Variants in RAPGEF4 observed in about 807,000 individuals in gnomAD.
RAPGEF4 encodes the protein Rap guanine nucleotide exchange factor 4.
RAPGEF4 carries 66 observed loss-of-function variants against 147.9 expected under a neutral mutation model. The ratio of observed to expected loss-of-function variants is 0.45; its 90% CI spans 0.37 to 0.55. The LOEUF is 0.55. RAPGEF4 is among the 20% of genes least tolerant of loss of function. The pLI is 0.00. For synonymous variants in RAPGEF4, 419 were observed against 442.7 expected (o/e 0.95, Z 0.67); for missense variants, 1,071 against 1,257.3 (o/e 0.85, Z 2.24).
rs115746792 is a variant in RAPGEF4 at position 173,038,259 on chromosome 2, T to C, written c.2853+1567T>C. Among the ~76,000 whole-genome samples the C allele has an allele frequency of 8.0e-3, 1,224 of 152,324 alleles. 13 individuals are homozygous for C. The highest frequency in any genetic ancestry group is 0.028 in the African/African-American group (1,145 of 41,568). ...CTTATTAGTATGGATAATTAAACAA[T>C]TCCTCTGACTTCCCAGAAAGAAAAC... On this transcript the variant is annotated intron_variant, in intron 29 of 30. Coordinates refer to ENST00000397081, the MANE Select transcript of RAPGEF4 (RefSeq NM_007023.4).
chr2:172,910,246 C>T (rs182940590), intron 4 of RAPGEF4, among the ~76,000 whole-genome samples: 215 of 152,338 alleles, frequency 1.4e-3, no homozygotes, highest in African/African-American at 4.8e-3. Flanking sequence ...AATCCTTATG[C>T]CCCAATCCTC....
At chr2:172,794,359 A>G (rs908798942) in intron 1 of RAPGEF4, among the ~76,000 whole-genome samples, 2 of 151,074 alleles carry the variant, frequency 1.3e-5, no homozygotes, top group African/African-American at 4.9e-5. Flanking sequence ...AAAAAAAAAA[A>G]AAAAAAGAAA....
intron 30 of RAPGEF4, among the ~76,000 whole-genome samples, chr2:173,050,587 G>A (rs967065645): frequency 3.9e-5 from 6 of 152,122 alleles, no homozygotes; most frequent in African/African-American, 7.2e-5. Context: ...CTGCCACTCC[G>A]GGTGTCCCCT....
intron 25 of RAPGEF4, among the ~76,000 whole-genome samples, chr2:173,028,690 C>G (rs1575559209): frequency 6.6e-6 from 1 of 152,116 alleles, no homozygotes; most frequent in South Asian, 2.1e-4. Flanking sequence ...ATTTGCCGTC[C>G]TGTAGAGAAG....
intron 6 of RAPGEF4, among the ~76,000 whole-genome samples, chr2:172,940,010 A>G (rs1686990864): frequency 6.6e-6 from 1 of 151,918 alleles, no homozygotes; most frequent in Admixed American, 6.6e-5. Context: ...CCAATATTTC[A>G]CTGTCTTAAT....
At chr2:172,874,002 C>T (rs192901808) in intron 4 of RAPGEF4, among the ~76,000 whole-genome samples, 11 of 152,146 alleles carry the variant, frequency 7.2e-5, no homozygotes, top group Non-Finnish European at 1.2e-4. Flanking sequence ...AATGAGATAC[C>T]GTCTCACACC....
intron 10 of RAPGEF4, among the ~76,000 whole-genome samples, chr2:172,974,579 A>G (rs1448773065): frequency 2.0e-5 from 3 of 152,154 alleles, no homozygotes; most frequent in African/African-American, 7.2e-5. Context: ...AGCTATCAGG[A>G]GGCTGAGGTG....
chr2:172,867,845 A>G (rs930124783), intron 4 of RAPGEF4, among the ~76,000 whole-genome samples: 4 of 152,224 alleles, frequency 2.6e-5, no homozygotes, highest in African/African-American at 4.8e-5. Context: ...CCCTAATTAC[A>G]TTTTGGAAAA....
At chr2:172,868,174 A>G (rs951673729) in intron 4 of RAPGEF4, among the ~76,000 whole-genome samples, 5 of 152,216 alleles carry the variant, frequency 3.3e-5, no homozygotes, top group African/African-American at 4.8e-5. Flanking sequence ...ACCACCTAAC[A>G]AAACGAGCAT....
intron 26 of RAPGEF4, among the ~76,000 whole-genome samples, chr2:173,032,916 A>G (rs1697329492): frequency 6.6e-6 from 1 of 152,228 alleles, no homozygotes; most frequent in East Asian, 1.9e-4. Flanking sequence ...TCTGAGACCC[A>G]GGGGTTGGTT....
rs1392564162 is a variant in RAPGEF4, at chr2:172,997,928, G to GT, written c.1579+1380dup. On this transcript the variant is annotated intron_variant, in intron 16 of 30. Transcript: ENST00000397081. ...TCATTTTATACATAGATTACCTGAGGTTTTTTATGTAGCAAATTAATTAGG... is the reference window on the plus strand; with the variant it reads ...TCATTTTATACATAGATTACCTGAGGTTTTTTTATGTAGCAAATTAATTAGG... Among the ~76,000 whole-genome samples, 16 of 152,198 alleles carry GT rather than the reference G, an allele frequency of 1.1e-4. No homozygotes were observed. The East Asian group carries it at 2.9e-3, about 28-fold the overall frequency.
At chr2:172,782,071 C>T (rs1226759135) in intron 1 of RAPGEF4, among the ~76,000 whole-genome samples, 1 of 152,138 alleles carries the variant, frequency 6.6e-6, no homozygotes, top group East Asian at 1.9e-4. Context: ...TACTGGTGAA[C>T]ACCTGGGGAG....
chr2:172,979,212 A>T (rs1032759203), intron 10 of RAPGEF4, among the ~76,000 whole-genome samples: 3 of 152,194 alleles, frequency 2.0e-5, no homozygotes, highest in Non-Finnish European at 4.4e-5. Context: ...TGTGCCGTGG[A>T]TGCCTTGCCT....
chr2:172,885,622 G>T (rs1460438719), intron 4 of RAPGEF4, among the ~76,000 whole-genome samples: 1 of 152,102 alleles, frequency 6.6e-6, no homozygotes, highest in Non-Finnish European at 1.5e-5. Context: ...AAATGAAAGG[G>T]GTTTCCGCTT....
At chr2:172,869,510 A>T (rs79226171) in intron 4 of RAPGEF4, among the ~76,000 whole-genome samples, 2 of 152,194 alleles carry the variant, frequency 1.3e-5, no homozygotes, top group South Asian at 2.1e-4. Context: ...AGAACTATAG[A>T]TGGAAAATTG....
chr2:172,757,333 G>C (rs1317446409), intron 1 of RAPGEF4, among the ~76,000 whole-genome samples: 2 of 152,080 alleles, frequency 1.3e-5, no homozygotes, highest in East Asian at 3.8e-4. Flanking sequence ...GATGATTAAG[G>C]CTCAGTATAT....
At chr2:172,851,816 G>A (rs1692861677) in intron 4 of RAPGEF4, among the ~76,000 whole-genome samples, 1 of 152,072 alleles carries the variant, frequency 6.6e-6, no homozygotes, top group East Asian at 1.9e-4. Context: ...GTAGGAGGGT[G>A]GCAAGAAGGT....
At position 173,044,267 on chromosome 2, in the gene RAPGEF4, C is replaced by T. The variant is rs183736889; in HGVS notation, c.2854-4333C>T. ...TGGCATTTGTAAACTGTCATGGCGC[C>T]GGGGGGCGGGAGGGGGGGTGAGTAT... On this transcript the variant is annotated intron_variant, in intron 29 of 30. Coordinates refer to ENST00000397081, the MANE Select transcript of RAPGEF4 (RefSeq NM_007023.4). Among the ~76,000 whole-genome samples the T allele has an allele frequency of 5.2e-3, 554 of 106,194 alleles. 4 individuals carry two copies. The highest frequency in any genetic ancestry group is 0.02 in the African/African-American group (528 of 25,860). 69.7% of individuals were successfully genotyped at this position (106,194 alleles called of 152,430 possible). A position where few individuals can be genotyped will look rare whatever the true frequency, so the allele number is the denominator to read the frequency against.
intron 4 of RAPGEF4, among the ~76,000 whole-genome samples, chr2:172,819,541 C>A (rs1200621767): frequency 7.3e-6 from 1 of 136,406 alleles, no homozygotes; most frequent in Non-Finnish European, 1.5e-5. Context: ...TCTCGGCTCA[C>A]TGCAAGCTCC....
Sources: allele counts gnomAD v4.1 joint callset (sites outside exome capture counted in the v4.1 genomes callset), GRCh38; gene constraint gnomAD v4.1.1; transcripts MANE v1.5; gene names NCBI Gene and HGNC (gene_info 2026-07-23, HGNC 2026-07-21).